The following PPWD1 variants were observed in gnomAD, a reference collection of about 807,000 sequenced individuals.
PPWD1 encodes the protein peptidylprolyl isomerase domain and WD repeat-containing protein 1.
Under a neutral mutation model 68.8 loss-of-function variants are expected in PPWD1, and 43 were observed. That is an observed-to-expected ratio of 0.62 (90% CI 0.49 to 0.81). The LOEUF is 0.81. Among genes scored for constraint, PPWD1 ranks in the 30% least tolerant of loss-of-function variants. The probability of loss-of-function intolerance (pLI) is 0.00; values close to 1 mark genes in which losing one functional copy is unlikely to be tolerated. For missense variants in PPWD1, 672 were observed against 804.8 expected (o/e 0.83, Z 2.00); for synonymous variants, 232 against 258.7 (o/e 0.90, Z 0.99).
chr5:65,570,465 T>A (rs1243711342), intron 4 of PPWD1: 19 of 394,740 alleles, frequency 4.8e-5, no homozygotes, highest in Non-Finnish European at 6.5e-5. Flanking sequence ...ATACTTTGTT[T>A]TAAGCATGTC....
chr5:65,581,043 T>C (rs890969474), intron 7 of PPWD1, among the ~76,000 whole-genome samples: 9 of 152,230 alleles, frequency 5.9e-5, no homozygotes, highest in African/African-American at 1.9e-4. Flanking sequence ...TTACAGTATA[T>C]TCATTCATTC....
chr5:65,575,944 T>C (rs1040116054), intron 5 of PPWD1, among the ~76,000 whole-genome samples: 1 of 152,212 alleles, frequency 6.6e-6, no homozygotes, highest in African/African-American at 2.4e-5. Context: ...GTAACCTTGC[T>C]CAAGGACCTC....
chr5:65,572,465 C>A (rs1191120022), intron 5 of PPWD1, among the ~76,000 whole-genome samples, 179 bp downstream of exon 5: 3 of 152,048 alleles, frequency 2.0e-5, no homozygotes, highest in African/African-American at 7.2e-5. Flanking sequence ...AGTCTCTTCT[C>A]TAGGGGTTTA....
chr5:65,575,420 T>C (rs1485498159), intron 5 of PPWD1, among the ~76,000 whole-genome samples: 1 of 152,250 alleles, frequency 6.6e-6, no homozygotes, highest in African/African-American at 2.4e-5. Context: ...TTAACTGTTC[T>C]GTAAGACCTT....
chr5:65,569,757 G>A (rs750793354), intron 3 of PPWD1, 25 bp downstream of exon 3: 1 of 1,598,388 alleles, frequency 6.3e-7, no homozygotes, highest in Non-Finnish European at 8.5e-7. Context: ...TCATTTTCTT[G>A]TAGCTCTTTC....
At chr5:65,567,158 A>G (rs1261666179) in intron 1 of PPWD1, among the ~76,000 whole-genome samples, 1 of 151,798 alleles carries the variant, frequency 6.6e-6, no homozygotes, top group African/African-American at 2.4e-5. Flanking sequence ...TGATATTTTC[A>G]TGGAACTTTT....
Position 65,584,843 on chromosome 5 carries a change from T to C in PPWD1, c.1533-171T>C, listed in dbSNP as rs564613375. The C allele has an allele frequency of 7.5e-6, 4 of 536,570 alleles. No individual in the cohort carries two copies. The African/African-American group carries it at 8.4e-5, about 11-fold the overall frequency. 33.2% of individuals were successfully genotyped at this position (536,570 alleles called of 1,614,324 possible). A position where few individuals can be genotyped will look rare whatever the true frequency, so the allele number is the denominator to read the frequency against. On this transcript the variant is annotated intron_variant, in intron 8 of 10. Coordinates refer to ENST00000261308, the MANE Select transcript of PPWD1 (RefSeq NM_015342.4). ...GAACAATAAGAATATACTACTTACA[T>C]GACCCTCCGTGCTTGTCCTGAGATT...
chr5:65,563,840 G>A (rs1752480550), intron 1 of PPWD1: 9 of 1,491,140 alleles, frequency 6.0e-6, no homozygotes, highest in East Asian at 2.5e-5. Flanking sequence ...TCTTATTTAG[G>A]TATGCAAAAG....
intron 6 of PPWD1, among the ~76,000 whole-genome samples, chr5:65,578,831 AAAAG>A (rs1753456054): frequency 6.9e-6 from 1 of 144,578 alleles, no homozygotes; most frequent in African/African-American, 2.6e-5. Flanking sequence ...TTTTTTTAAA[AAAAG>A]AGTTTTTTAT....
chr5:65,585,632 C>T (rs1372291667), intron 9 of PPWD1, among the ~76,000 whole-genome samples: 1 of 151,768 alleles, frequency 6.6e-6, no homozygotes, highest in African/African-American at 2.4e-5. Flanking sequence ...AAGGAATTAG[C>T]GAAAAGGCTT....
chr5:65,570,308 T>C, intron 4 of PPWD1: 1 of 889,516 alleles, frequency 1.1e-6, no homozygotes, highest in Non-Finnish European at 1.3e-6. Flanking sequence ...ACAGTTAACT[T>C]CCTTGCTTTA....
chr5:65,585,224 T>C (rs1255403320), intron 9 of PPWD1, 129 bp downstream of exon 9: 2 of 906,922 alleles, frequency 2.2e-6, no homozygotes, highest in South Asian at 3.7e-5. Flanking sequence ...AAATACACTA[T>C]GGAAGCCAAA....
intron 1 of PPWD1, among the ~76,000 whole-genome samples, chr5:65,564,891 C>T (rs1752650576): frequency 6.6e-6 from 1 of 152,220 alleles, no homozygotes; most frequent in Non-Finnish European, 1.5e-5. Flanking sequence ...TAGCTATCAT[C>T]TTCTCTGGGA....
chr5:65,572,230 AG>A lies in PPWD1; in HGVS notation c.914del (p.Arg305LysfsTer6). The A allele has an allele frequency of 3.1e-6, 5 of 1,612,174 alleles. No homozygotes were observed. The highest frequency in any genetic ancestry group is 4.2e-6 in the Non-Finnish European group (5 of 1,178,346). On this transcript the variant is annotated frameshift_variant, in exon 5 of 11. Coordinates refer to ENST00000261308, the MANE Select transcript of PPWD1 (RefSeq NM_015342.4). LOFTEE classifies it high-confidence loss of function. ...IATIGSDRKV[R>X]IFRFVTGKLM... ...TACTATTGGTTCTGATAGAAAAGTT[AG>A]AATTTTCAGATTTGTAACTGGAAAA...
chr5:65,584,852 G>A lies in PPWD1; in HGVS notation c.1533-162G>A, dbSNP rs571866257. On this transcript the variant is annotated intron_variant, in intron 8 of 10. Coordinates refer to ENST00000261308, the MANE Select transcript of PPWD1 (RefSeq NM_015342.4). Reference sequence around the variant, plus strand: ...GAATATACTACTTACATGACCCTCCGTGCTTGTCCTGAGATTAGAGATTAT... The same window carrying A: ...GAATATACTACTTACATGACCCTCCATGCTTGTCCTGAGATTAGAGATTAT... 93 of 671,596 alleles carry A rather than the reference G, an allele frequency of 1.4e-4. No homozygotes were observed. The South Asian group carries it at 5.5e-3, about 40-fold the overall frequency. 41.6% of individuals were successfully genotyped at this position (671,596 alleles called of 1,614,324 possible).
intron 5 of PPWD1, among the ~76,000 whole-genome samples, chr5:65,575,354 G>A (rs1207686712): frequency 6.6e-6 from 1 of 152,190 alleles, no homozygotes; most frequent in African/African-American, 2.4e-5. Flanking sequence ...AGCGTAATAT[G>A]TATCAGTCTC....
intron 4 of PPWD1, among the ~76,000 whole-genome samples, chr5:65,571,498 G>A (rs749485543): frequency 6.6e-6 from 1 of 152,092 alleles, no homozygotes; most frequent in Non-Finnish European, 1.5e-5. Context: ...ATAGACTGTT[G>A]TACAGAGATC....
intron 5 of PPWD1, among the ~76,000 whole-genome samples, chr5:65,573,419 A>AGTAGCTGG (rs1475034742): frequency 1.4e-5 from 2 of 140,650 alleles, no homozygotes; most frequent in African/African-American, 5.4e-5. Flanking sequence ...CAGCTTCCCA[A>AGTAGCTGG]GTAGCTGGGA....
intron 10 of PPWD1, among the ~76,000 whole-genome samples, chr5:65,586,987 C>A (rs886295794): frequency 1.3e-5 from 2 of 152,090 alleles, no homozygotes; most frequent in African/African-American, 2.4e-5. Context: ...AAGTAACTTA[C>A]CTTTAGGGAA....
Sources: allele counts gnomAD v4.1 joint callset (sites outside exome capture counted in the v4.1 genomes callset), GRCh38; gene constraint gnomAD v4.1.1; transcripts MANE v1.5; gene names NCBI Gene and HGNC (gene_info 2026-07-23, HGNC 2026-07-21).